Variants in DIP2C observed in about 807,000 individuals in gnomAD.
The protein encoded by DIP2C is disco-interacting protein 2 homolog C.
A neutral mutation model predicts 192.4 loss-of-function variants in DIP2C; 33 were observed. That is an observed-to-expected ratio of 0.17 (90% confidence interval 0.13 to 0.23). The LOEUF (loss-of-function observed/expected upper bound fraction) is 0.23. Among genes scored for constraint, DIP2C ranks in the 10% least tolerant of loss-of-function variants. The pLI, the probability that DIP2C is intolerant of heterozygous loss-of-function variation, is 1.00. For missense variants in DIP2C, 1,537 were observed against 2,110.1 expected (o/e 0.73, Z 5.32); for synonymous variants, 979 against 864.1 (o/e 1.13, Z -2.33).
intron 1 of DIP2C, among the ~76,000 whole-genome samples, chr10:576,797 C>G (rs1331713072): frequency 2.3e-4 from 35 of 152,118 alleles, no homozygotes. Context: ...ACCCCAGCTA[C>G]TTGGGAAGCT....
intron 5 of DIP2C, among the ~76,000 whole-genome samples, chr10:420,705 G>A (rs1966126222): frequency 6.6e-6 from 1 of 152,186 alleles, no homozygotes; most frequent in Admixed American, 6.5e-5. Context: ...CTACTTAATT[G>A]CCGGCATAAT....
At chr10:285,007 T>G (rs1955022670) in intron 34 of DIP2C, among the ~76,000 whole-genome samples, 1 of 152,128 alleles carries the variant, frequency 6.6e-6, no homozygotes, top group African/African-American at 2.4e-5. Context: ...GAGGACACCC[T>G]CCAGGTGCCG....
intron 32 of DIP2C, among the ~76,000 whole-genome samples, chr10:299,322 TA>T (rs1381369918): frequency 6.6e-6 from 1 of 152,236 alleles, no homozygotes; most frequent in Non-Finnish European, 1.5e-5. Context: ...ATTACTCCAG[TA>T]ATGTCCCTAC....
intron 1 of DIP2C, among the ~76,000 whole-genome samples, chr10:589,075 GA>G (rs1477424696): frequency 6.6e-6 from 1 of 152,110 alleles, no homozygotes; most frequent in Admixed American, 6.5e-5. Flanking sequence ...ACATCTCGCT[GA>G]AACCAGTCGC....
intron 32 of DIP2C, among the ~76,000 whole-genome samples, chr10:290,471 G>A (rs992219200): frequency 6.6e-6 from 1 of 152,218 alleles, no homozygotes; most frequent in African/African-American, 2.4e-5. Context: ...GAAGCTCACA[G>A]CCAGAGGTGG....
intron 1 of DIP2C, among the ~76,000 whole-genome samples, chr10:566,048 C>T (rs1170953988): frequency 1.3e-5 from 2 of 152,180 alleles, no homozygotes; most frequent in Admixed American, 1.3e-4. Flanking sequence ...TCCAAACTCA[C>T]CAGAAAAAAC....
intron 9 of DIP2C, among the ~76,000 whole-genome samples, chr10:406,676 C>G (rs963276170): frequency 2.0e-5 from 3 of 152,152 alleles, no homozygotes; most frequent in Non-Finnish European, 2.9e-5. Context: ...CCCTTTCTTG[C>G]TTGGGGACCA....
chr10:324,114 A>G (rs1957156785), intron 31 of DIP2C, among the ~76,000 whole-genome samples: 1 of 151,872 alleles, frequency 6.6e-6, no homozygotes, highest in African/African-American at 2.4e-5. Flanking sequence ...TGTTCGTGGC[A>G]CTCTATCCTC....
At chr10:340,544 CTT>C (rs1448412480) in intron 29 of DIP2C, 91 of 352,882 alleles carry the variant, frequency 2.6e-4, no homozygotes, top group African/African-American at 1.7e-4. Flanking sequence ...TGGTAACACT[CTT>C]TATCAGGTGC....
At chr10:313,525 G>A (rs985073523) in intron 31 of DIP2C, among the ~76,000 whole-genome samples, 2 of 152,090 alleles carry the variant, frequency 1.3e-5, no homozygotes, top group Admixed American at 6.5e-5. Context: ...TTCTCTGAAT[G>A]ATACAGTACA....
chr10:357,781 C>T (rs371435814), intron 23 of DIP2C, 47 bp downstream of exon 23: 276 of 1,468,608 alleles, frequency 1.9e-4, no homozygotes, highest in African/African-American at 1.3e-3. Flanking sequence ...CGGGGACAGT[C>T]GGAAAAGTCG....
chr10:456,912 T>C (rs1969349495), intron 3 of DIP2C, among the ~76,000 whole-genome samples: 1 of 152,242 alleles, frequency 6.6e-6, no homozygotes, highest in Non-Finnish European at 1.5e-5. Flanking sequence ...AGTCTTTTCT[T>C]CATGTGGACT....
At chr10:504,895 A>T (rs1386528861) in intron 1 of DIP2C, among the ~76,000 whole-genome samples, 2 of 152,146 alleles carry the variant, frequency 1.3e-5, no homozygotes, top group Non-Finnish European at 2.9e-5. Context: ...CTCAGAGAAG[A>T]GGTGAGCTCT....
chr10:409,317 G>A (rs949820143), intron 8 of DIP2C, among the ~76,000 whole-genome samples: 2 of 152,080 alleles, frequency 1.3e-5, no homozygotes, highest in African/African-American at 4.8e-5. Flanking sequence ...GGTGGCGAGG[G>A]GGGGCGCGGA....
chr10:377,438 T>C (rs1961753088), intron 17 of DIP2C, among the ~76,000 whole-genome samples: 2 of 152,230 alleles, frequency 1.3e-5, no homozygotes, highest in Admixed American at 6.5e-5. Context: ...AACAGGAAAC[T>C]TGGTTTGCTA....
intron 1 of DIP2C, among the ~76,000 whole-genome samples, chr10:619,196 G>A (rs2131825250): frequency 6.6e-6 from 1 of 152,282 alleles, no homozygotes; most frequent in South Asian, 2.1e-4. Context: ...ACCTGGACAA[G>A]TCACATTTCA....
chr10:466,608 T>C (rs10904280), intron 3 of DIP2C, among the ~76,000 whole-genome samples: 117,818 of 133,344 alleles, frequency 0.88, 53,762 homozygotes, highest in East Asian at 0.99. Flanking sequence ...AAGCAACCTA[T>C]AACATGGGAG....
chr10:655,416 A>G (rs1856220008), intron 1 of DIP2C, among the ~76,000 whole-genome samples: 1 of 151,748 alleles, frequency 6.6e-6, no homozygotes, highest in Non-Finnish European at 1.5e-5. Flanking sequence ...ATGCGACTCT[A>G]CTATTCCACA....
At chr10:599,344 A>G (rs1412273780) in intron 1 of DIP2C, among the ~76,000 whole-genome samples, 2 of 152,204 alleles carry the variant, frequency 1.3e-5, no homozygotes, top group African/African-American at 4.8e-5. Context: ...TTCTCCTATT[A>G]TCCATGAAAT....
Sources: gnomAD v4.1 joint callset for allele counts (sites outside exome capture counted in the v4.1 genomes callset) on GRCh38, gnomAD v4.1.1 for gene constraint, MANE v1.5 for transcripts, NCBI Gene and HGNC (gene_info 2026-07-23, HGNC 2026-07-21) for gene names.